ARL3: variants seen among roughly 807,000 people sequenced by gnomAD.
ARL3 encodes ADP-ribosylation factor-like protein 3.
In ARL3, 9 loss-of-function variants were observed where a neutral mutation model predicts 26.0. That is an observed-to-expected ratio of 0.35 (90% CI 0.21 to 0.60). The LOEUF (loss-of-function observed/expected upper bound fraction) is 0.60. Ranked by LOEUF, ARL3 falls within the 20% of genes least tolerant of loss-of-function variation. The pLI, the probability that ARL3 is intolerant of heterozygous loss-of-function variation, is 0.78. For synonymous variants in ARL3, 71 were observed against 78.4 expected (o/e 0.91, Z 0.50); for missense variants, 158 against 215.7 (o/e 0.73, Z 1.67).
At chr10:102,696,212 C>T (rs958657884) in intron 3 of ARL3, among the ~76,000 whole-genome samples, 2 of 151,992 alleles carry the variant, frequency 1.3e-5, no homozygotes, top group African/African-American at 2.4e-5. Flanking sequence ...GATCCACCCA[C>T]CTCGGCCTCC....
chr10:102,710,394 G>C (rs999627776), intron 1 of ARL3, among the ~76,000 whole-genome samples: 1 of 152,178 alleles, frequency 6.6e-6, no homozygotes, highest in African/African-American at 2.4e-5. Flanking sequence ...TAAGAGGCTG[G>C]ATGAAAGAGA....
At chr10:102,704,454 C>G (rs1367889688) in intron 2 of ARL3, among the ~76,000 whole-genome samples, 4 of 152,036 alleles carry the variant, frequency 2.6e-5, no homozygotes, top group Non-Finnish European at 5.9e-5. Context: ...GCCTGGCCAA[C>G]ATGGCAAAAC....
At chr10:102,681,236 C>A (rs1330738722) in intron 5 of ARL3, among the ~76,000 whole-genome samples, 18 of 150,958 alleles carry the variant, frequency 1.2e-4, no homozygotes, top group African/African-American at 4.4e-4. Context: ...AAAAAAAATA[C>A]AAAAAATTAG....
chr10:102,704,187 T>A (rs938524952), intron 2 of ARL3, among the ~76,000 whole-genome samples: 1 of 151,812 alleles, frequency 6.6e-6, no homozygotes, highest in Admixed American at 6.6e-5. Context: ...CAGGTAATTT[T>A]TTTTTCTTTT....
chr10:102,708,880 CATATATT>C (rs2064322880), intron 1 of ARL3, among the ~76,000 whole-genome samples: 1 of 84,804 alleles, frequency 1.2e-5, no homozygotes, highest in Non-Finnish European at 2.5e-5. Flanking sequence ...AAAATAAAAC[CATATATT>C]ATATATATAT....
chr10:102,709,153 G>A (rs193268456), intron 1 of ARL3, among the ~76,000 whole-genome samples: 2 of 151,712 alleles, frequency 1.3e-5, no homozygotes, highest in East Asian at 1.9e-4. Context: ...CAATCTGCCC[G>A]TGACGGCCTC....
At chr10:102,711,517 C>T (rs1475326948) in intron 1 of ARL3, among the ~76,000 whole-genome samples, 1 of 151,610 alleles carries the variant, frequency 6.6e-6, no homozygotes, top group Admixed American at 6.6e-5. Flanking sequence ...TTTGGGAGGC[C>T]GAGGCGGGCG....
At chr10:102,685,669 T>G in intron 5 of ARL3, 147 bp downstream of exon 5, 1 of 804,030 alleles carries the variant, frequency 1.2e-6, no homozygotes. Context: ...ATCTGATTGG[T>G]TGCTAAGCAG....
chr10:102,696,651 T>C (rs561110165), intron 3 of ARL3, among the ~76,000 whole-genome samples: 6 of 152,306 alleles, frequency 3.9e-5, no homozygotes, highest in Admixed American at 1.3e-4. Flanking sequence ...ATACGTCTGA[T>C]GGCAATAGGT....
chr10:102,673,826 GA>G lies in ARL3; in HGVS notation c.*3067del, dbSNP rs2064116417. The G allele has an allele frequency of 6.6e-6, 1 of 152,076 alleles. No homozygotes were observed. The highest frequency in any genetic ancestry group is 2.1e-4 in the South Asian group (1 of 4,828). The allele number at this position is 152,076 out of a possible 1,614,324, so 9.4% of individuals were successfully genotyped here. A position where few individuals can be genotyped will look rare whatever the true frequency, so the allele number is the denominator to read the frequency against. ...GACCAAACACCACATCTCTTCCTTT[GA>G]TTATCATTTTCAAAAGGGATTATAA... On this transcript the variant is annotated 3_prime_UTR_variant, in exon 6 of 6. Coordinates refer to ENST00000260746, the MANE Select transcript of ARL3 (RefSeq NM_004311.4).
At position 102,707,830 on chromosome 10, in the gene ARL3, A is replaced by G. The variant is rs183015081; in HGVS notation, c.4-2341T>C. On this transcript the variant is annotated intron_variant, in intron 1 of 5. Transcript: ENST00000260746. The stretch of plus-strand genomic sequence containing the variant: ...GTTTAGTCTAAGCTAGACAAATTCT[A>G]TGCCAAAAGATTTGGGGGACAGAGA... Among the ~76,000 whole-genome samples, 604 of 152,326 alleles carry G rather than the reference A, an allele frequency of 4.0e-3. 2 individuals are homozygous for G. The highest frequency in any genetic ancestry group is 6.8e-3 in the Non-Finnish European group (463 of 68,034).
rs2064180524 is a variant in ARL3, at chr10:102,685,758, C to T, written c.501+58G>A. 11 of 1,520,054 alleles carry T rather than the reference C, an allele frequency of 7.2e-6. No homozygotes were observed. In the South Asian group the frequency reaches 1.3e-4, roughly 18 times the overall value. 94.2% of individuals were successfully genotyped at this position (1,520,054 alleles called of 1,614,324 possible). A position where few individuals can be genotyped will look rare whatever the true frequency, so the allele number is the denominator to read the frequency against. On this transcript the variant is annotated intron_variant, in intron 5 of 5. Coordinates refer to ENST00000260746, the MANE Select transcript of ARL3 (RefSeq NM_004311.4). ...ATCAAGATCAGCCCAACCAATGAGA[C>T]AGACCACCTCGGTTAGCTGTCATGT...
intron 1 of ARL3, among the ~76,000 whole-genome samples, chr10:102,707,836 A>G (rs1232161204): frequency 2.0e-5 from 3 of 152,216 alleles, no homozygotes; most frequent in African/African-American, 7.2e-5. Context: ...TTCTATGCCA[A>G]AAGATTTGGG....
At chr10:102,693,890 G>C (rs2064233175) in intron 3 of ARL3, among the ~76,000 whole-genome samples, 1 of 152,048 alleles carries the variant, frequency 6.6e-6, no homozygotes, top group South Asian at 2.1e-4. Flanking sequence ...GTGCAAGCTG[G>C]TCTTGAACTT....
At chr10:102,696,353 C>T (rs1363668808) in intron 3 of ARL3, among the ~76,000 whole-genome samples, 4 of 150,544 alleles carry the variant, frequency 2.7e-5, no homozygotes, top group South Asian at 2.1e-4. Flanking sequence ...GCAACCTGCA[C>T]CTCCCTGATT....
intron 2 of ARL3, among the ~76,000 whole-genome samples, chr10:102,704,553 T>C (rs2064298278): frequency 2.0e-5 from 3 of 152,074 alleles, no homozygotes; most frequent in Admixed American, 2.0e-4. Context: ...GGTCCAAGAA[T>C]CGCTTGAACC....
At chr10:102,678,706 T>C (rs1487490071) in intron 5 of ARL3, among the ~76,000 whole-genome samples, 7 of 152,232 alleles carry the variant, frequency 4.6e-5, no homozygotes, top group Non-Finnish European at 1.0e-4. Context: ...GAGAGATTAT[T>C]GCATATAACT....
intron 2 of ARL3, among the ~76,000 whole-genome samples, chr10:102,703,666 A>G (rs2136007534): frequency 6.7e-6 from 1 of 150,030 alleles, no homozygotes; most frequent in East Asian, 2.0e-4. Flanking sequence ...GATGGTCTCG[A>G]TCTCCTGACC....
At chr10:102,693,861 G>A (rs1171893790) in intron 3 of ARL3, among the ~76,000 whole-genome samples, 1 of 151,858 alleles carries the variant, frequency 6.6e-6, no homozygotes, top group Admixed American at 6.6e-5. Flanking sequence ...TTTTTGTAGA[G>A]ACAGGGTCAC....
Sources: allele counts gnomAD v4.1 joint callset (sites outside exome capture counted in the v4.1 genomes callset), GRCh38; gene constraint gnomAD v4.1.1; transcripts MANE v1.5; gene names NCBI Gene and HGNC (gene_info 2026-07-23, HGNC 2026-07-21).